DNAL1: variants seen among roughly 807,000 people sequenced by gnomAD.
The protein encoded by DNAL1 is chromosome 14 open reading frame 168.
In DNAL1, 17 loss-of-function variants were observed where a neutral mutation model predicts 29.4. That is an observed-to-expected ratio of 0.58 (90% CI 0.40 to 0.87). The LOEUF (loss-of-function observed/expected upper bound fraction) is 0.87, where lower values mean the gene tolerates loss of function less well. Among genes scored for constraint, DNAL1 ranks in the 40% least tolerant of loss-of-function variants. The probability of loss-of-function intolerance (pLI) is 0.00; values close to 1 mark genes in which losing one functional copy is unlikely to be tolerated. For missense variants in DNAL1, 188 were observed against 214.1 expected, an observed-to-expected ratio of 0.88 and a Z score of 0.76; for synonymous variants, 78 against 76.3, an observed-to-expected ratio of 1.02 and a Z score of -0.12.
At chr14:73,654,291 G>A (rs2140026729) in intron 1 of DNAL1, among the ~76,000 whole-genome samples, 1 of 152,186 alleles carries the variant, frequency 6.6e-6, no homozygotes, top group East Asian at 1.9e-4. Context: ...GAAGTGTATG[G>A]GTGTTACATA....
intron 1 of DNAL1, among the ~76,000 whole-genome samples, chr14:73,653,953 T>C (rs1190914034): frequency 6.6e-6 from 1 of 152,210 alleles, no homozygotes; most frequent in Non-Finnish European, 1.5e-5. Flanking sequence ...ACAAATACTT[T>C]ATTGTCATTT....
At chr14:73,689,206 G>A (rs1176948987) in intron 6 of DNAL1, among the ~76,000 whole-genome samples, 169 bp from the exon 7 acceptor site, 3 of 151,836 alleles carry the variant, frequency 2.0e-5, no homozygotes, top group African/African-American at 7.3e-5. Context: ...GCTTATTTTT[G>A]TATTTTTAGT....
intron 4 of DNAL1, among the ~76,000 whole-genome samples, chr14:73,664,231 T>C (rs1891422399): frequency 6.6e-6 from 1 of 152,184 alleles, no homozygotes; most frequent in Non-Finnish European, 1.5e-5. Context: ...GCCTTAACTG[T>C]TTACTTAACT....
At chr14:73,676,087 G>A (rs1404880283) in intron 5 of DNAL1, among the ~76,000 whole-genome samples, 4 of 149,174 alleles carry the variant, frequency 2.7e-5, no homozygotes, top group African/African-American at 7.4e-5. Flanking sequence ...TTTAATTCTA[G>A]GCCAGGCGTG....
chr14:73,682,869 A>AT lies in DNAL1; in HGVS notation c.265-4365dup, dbSNP rs57815202. Among the ~76,000 whole-genome samples, 59 of 101,804 alleles carry AT rather than the reference A, an allele frequency of 5.8e-4. 1 individual carries two copies. The highest frequency in any genetic ancestry group is 9.6e-4 in the South Asian group (3 of 3,140). The allele number at this position is 101,804 out of a possible 152,430, so 66.8% of individuals were successfully genotyped here. ...ACCTGTCTGAGGCTGTTTTATAGTT[A>AT]TTTTTTTTTTTTTTTTTTTTTTTTT... On this transcript the variant is annotated intron_variant, in intron 5 of 7. Transcript: ENST00000553645.
intron 4 of DNAL1, among the ~76,000 whole-genome samples, chr14:73,669,029 C>G (rs921026167): frequency 1.3e-5 from 2 of 152,150 alleles, no homozygotes; most frequent in Non-Finnish European, 2.9e-5. Flanking sequence ...CAAATTGCCT[C>G]TTGTTACAAG....
chr14:73,690,970 T>A (rs1012227313), intron 7 of DNAL1, among the ~76,000 whole-genome samples: 1 of 152,142 alleles, frequency 6.6e-6, no homozygotes, highest in Non-Finnish European at 1.5e-5. Context: ...AGTTTCCCAA[T>A]ATCTTAAGAT....
At chr14:73,664,622 A>G (rs987309789) in intron 4 of DNAL1, among the ~76,000 whole-genome samples, 1 of 152,164 alleles carries the variant, frequency 6.6e-6, no homozygotes, top group Non-Finnish European at 1.5e-5. Context: ...TAATCCCAGC[A>G]CTTTGGGAGG....
chr14:73,662,208 TAGAG>T (rs147916441), intron 4 of DNAL1, among the ~76,000 whole-genome samples, 166 bp downstream of exon 4: 6 of 152,220 alleles, frequency 3.9e-5, no homozygotes, highest in African/African-American at 1.4e-4. Context: ...CAAAGAAAAA[TAGAG>T]ATAGCATGAG....
chr14:73,670,552 TA>T (rs758312406), intron 4 of DNAL1, among the ~76,000 whole-genome samples: 1 of 152,098 alleles, frequency 6.6e-6, no homozygotes, highest in Non-Finnish European at 1.5e-5. Context: ...CACCTGGTTT[TA>T]TTCAAATGGT....
At chr14:73,645,621 T>A (rs1231140868) in intron 1 of DNAL1, among the ~76,000 whole-genome samples, 1 of 152,216 alleles carries the variant, frequency 6.6e-6, no homozygotes, top group Non-Finnish European at 1.5e-5. Context: ...AGATTGTGAA[T>A]TTTTAATATG....
chr14:73,650,271 G>C (rs1317307280), intron 1 of DNAL1, among the ~76,000 whole-genome samples: 1 of 152,306 alleles, frequency 6.6e-6, no homozygotes, highest in East Asian at 1.9e-4. Context: ...TTATAGGCAT[G>C]AGCCACTGCA....
rs1252878067 is a variant in DNAL1 at position 73,687,290 on chromosome 14, G to A, written c.296G>A (p.Trp99Ter). ...GTAGGGGACACATTAGAAGAACTGT[G>A]GATCTCCTACAATTTTATTGAGAAG... ...EAVGDTLEEL[W>*]ISYNFIEKLK... Residue 99 changes from tryptophan to a stop codon, truncating the protein, a stop_gained, in exon 6 of 8, where the codon TGG becomes TAG. Coordinates refer to ENST00000553645, the MANE Select transcript of DNAL1 (RefSeq NM_031427.4). LOFTEE classifies it high-confidence loss of function. 9 of 1,612,964 alleles carry A rather than the reference G, an allele frequency of 5.6e-6. No individual in the cohort carries two copies. The highest frequency in any genetic ancestry group is 7.6e-6 in the Non-Finnish European group (9 of 1,179,654).
At chr14:73,683,165 C>T (rs569281035) in intron 5 of DNAL1, among the ~76,000 whole-genome samples, 49 of 152,004 alleles carry the variant, frequency 3.2e-4, no homozygotes, top group African/African-American at 3.4e-4. Flanking sequence ...CGTGAGCCAC[C>T]GCGCCCAGCC....
intron 5 of DNAL1, among the ~76,000 whole-genome samples, chr14:73,683,259 T>C (rs1891935223): frequency 6.6e-6 from 1 of 152,156 alleles, no homozygotes; most frequent in South Asian, 2.1e-4. Context: ...ACCAGTAATA[T>C]TGTCATTTAC....
chr14:73,679,790 C>T (rs1353201210), intron 5 of DNAL1, among the ~76,000 whole-genome samples: 3 of 46,434 alleles, frequency 6.5e-5, no homozygotes, highest in Non-Finnish European at 1.1e-4. Flanking sequence ...TAAAAATAGT[C>T]TTATCTTCTT....
chr14:73,679,411 A>G (rs1356272612), intron 5 of DNAL1, among the ~76,000 whole-genome samples: 1 of 152,156 alleles, frequency 6.6e-6, no homozygotes, highest in Non-Finnish European at 1.5e-5. Flanking sequence ...AAATGCACTC[A>G]TGTTTGTAGT....
rs557707392 is a variant in DNAL1 at position 73,649,305 on chromosome 14, C to T, written c.3+4263C>T. 4.4e-3 allele frequency among the ~76,000 whole-genome samples: 634 copies of T among 142,780 alleles called. 2 individuals carry two copies. The highest frequency in any genetic ancestry group is 0.011 in the Admixed American group (152 of 13,802). 93.7% of individuals were successfully genotyped at this position (142,780 alleles called of 152,430 possible). On this transcript the variant is annotated intron_variant, in intron 1 of 7. Transcript: ENST00000553645. Reference sequence around the variant, plus strand: ...TTTGACATTTTTTTTTTTTTTGAGACGGAGTCTCGCTCTGTCGCCAGGGCT... The same window carrying T: ...TTTGACATTTTTTTTTTTTTTGAGATGGAGTCTCGCTCTGTCGCCAGGGCT...
intron 4 of DNAL1, 59 bp downstream of exon 4, chr14:73,662,101 C>T: frequency 7.2e-7 from 1 of 1,395,818 alleles, no homozygotes; most frequent in South Asian, 1.3e-5. Flanking sequence ...AATAAACATT[C>T]CGGAGACAAT....
Sources: gnomAD v4.1 joint callset for allele counts (sites outside exome capture counted in the v4.1 genomes callset) on GRCh38, gnomAD v4.1.1 for gene constraint, MANE v1.5 for transcripts, NCBI Gene and HGNC (gene_info 2026-07-23, HGNC 2026-07-21) for gene names.